The following FOLH1 variants were observed in gnomAD, a reference collection of about 807,000 sequenced individuals.
FOLH1 encodes the protein glutamate carboxypeptidase 2.
A neutral mutation model predicts 93.9 loss-of-function variants in FOLH1; 54 were observed. The ratio of observed to expected loss-of-function variants is 0.57; its 90% CI spans 0.46 to 0.72. The LOEUF (loss-of-function observed/expected upper bound fraction) is 0.72, where lower values mean the gene tolerates loss of function less well. Among genes scored for constraint, FOLH1 ranks in the 30% least tolerant of loss-of-function variants. The pLI is 0.00. For synonymous variants in FOLH1, 249 were observed against 303.6 expected, an observed-to-expected ratio of 0.82 and a Z score of 1.87; for missense variants, 571 against 892.5, an observed-to-expected ratio of 0.64 and a Z score of 4.59.
rs149444698 is a variant in FOLH1, at chr11:49,188,512, C to CAAA, written c.514-1746_514-1744dup. Among the ~76,000 whole-genome samples, 411 of 130,864 alleles carry CAAA rather than the reference C, an allele frequency of 3.1e-3. 12 individuals carry two copies. Among genetic ancestry groups the CAAA allele is most frequent in the Middle Eastern group, 4.0e-3 (1 of 248 alleles). The allele number at this position is 130,864 out of a possible 152,430, so 85.9% of individuals were successfully genotyped here. A position where few individuals can be genotyped will look rare whatever the true frequency, so the allele number is the denominator to read the frequency against. ...CGGGCGACAGAGTAAGACTTGGTCT[C>CAAA]AAAAAAAAAAAAAAAAGATAGATTA... On this transcript the variant is annotated intron_variant, in intron 4 of 18. Coordinates refer to ENST00000256999, the MANE Select transcript of FOLH1 (RefSeq NM_004476.3).
chr11:49,164,912 T>A (rs1858178559), intron 12 of FOLH1, 140 bp from the exon 13 acceptor site: 2 of 690,250 alleles, frequency 2.9e-6, no homozygotes, highest in East Asian at 2.9e-5. Flanking sequence ...GCTTCCCAAC[T>A]AACTCTGTAA....
At position 49,151,676 on chromosome 11, in the gene FOLH1, A is replaced by G. The variant is rs563372151; in HGVS notation, c.1970+2170T>C. Among the ~76,000 whole-genome samples the G allele has an allele frequency of 9.8e-5, 15 of 152,332 alleles. No homozygotes were observed. The East Asian group carries it at 2.9e-3, about 29-fold the overall frequency. The stretch of plus-strand genomic sequence containing the variant: ...ATAGGGAACAGAGTGTATCTTTACT[A>G]TCACTTACAGAAAATAAAACAAATA... On this transcript the variant is annotated intron_variant, in intron 17 of 18. Transcript: ENST00000256999.
chr11:49,181,719 C>G (rs1170205160), intron 7 of FOLH1, among the ~76,000 whole-genome samples: 9 of 152,076 alleles, frequency 5.9e-5, no homozygotes, highest in Non-Finnish European at 4.4e-5. Context: ...AATGCATAGT[C>G]TATGGTGCTA....
chr11:49,186,513 G>T (rs945927575), intron 5 of FOLH1, 131 bp downstream of exon 5: 7 of 1,072,148 alleles, frequency 6.5e-6, no homozygotes, highest in African/African-American at 1.6e-5. Context: ...CTCTCTGTAA[G>T]GTGGGCATGT....
chr11:49,203,185 G>C (rs1450161507), intron 2 of FOLH1, among the ~76,000 whole-genome samples: 2 of 152,152 alleles, frequency 1.3e-5, no homozygotes, highest in Admixed American at 6.5e-5. Flanking sequence ...AAAATTCTGA[G>C]ACCAAAAGTC....
intron 9 of FOLH1, among the ~76,000 whole-genome samples, chr11:49,174,161 TCAA>T (rs1397611745): frequency 6.6e-6 from 1 of 152,160 alleles, no homozygotes; most frequent in Non-Finnish European, 1.5e-5. Context: ...TCGGTATTAT[TCAA>T]CAGTAGCCAC....
intron 6 of FOLH1, among the ~76,000 whole-genome samples, chr11:49,184,792 A>G (rs1466306433): frequency 6.6e-6 from 1 of 152,256 alleles, no homozygotes; most frequent in African/African-American, 2.4e-5. Context: ...TAATGATCAC[A>G]GATTTTTGTA....
chr11:49,192,560 T>C (rs1222177365), intron 4 of FOLH1, among the ~76,000 whole-genome samples: 3 of 152,226 alleles, frequency 2.0e-5, no homozygotes, highest in Non-Finnish European at 2.9e-5. Context: ...AATCAATAAA[T>C]GTGCATTTGG....
At chr11:49,202,533 T>C (rs934513446) in intron 2 of FOLH1, among the ~76,000 whole-genome samples, 9 of 151,932 alleles carry the variant, frequency 5.9e-5, no homozygotes, top group Non-Finnish European at 1.3e-4. Flanking sequence ...CATGCCACCA[T>C]GCCCAGATAA....
rs1438414699 is a variant in FOLH1 at position 49,178,187 on chromosome 11, A to G, written c.921-2230T>C. ...CACACCTGGTCTAACCAGTTTGTCC[A>G]TGACTTATATAAATCAGACACTACC... On this transcript the variant is annotated intron_variant, in intron 7 of 18. Transcript: ENST00000256999. Among the ~76,000 whole-genome samples, 5 of 152,318 alleles carry G rather than the reference A, an allele frequency of 3.3e-5. No homozygotes were observed. In the East Asian group the frequency reaches 9.7e-4, roughly 29 times the overall value.
At chr11:49,159,305 T>G (rs1857379186) in intron 13 of FOLH1, among the ~76,000 whole-genome samples, 1 of 152,254 alleles carries the variant, frequency 6.6e-6, no homozygotes, top group Non-Finnish European at 1.5e-5. Context: ...GTTTGCTCCT[T>G]CAATACCTAG....
intron 17 of FOLH1, among the ~76,000 whole-genome samples, chr11:49,152,950 A>G (rs1856639182): frequency 6.6e-6 from 1 of 152,108 alleles, no homozygotes; most frequent in African/African-American, 2.4e-5. Context: ...AGTTCATATA[A>G]TATTATGGTT....
intron 3 of FOLH1, among the ~76,000 whole-genome samples, chr11:49,197,498 ATCTT>A (rs772866407): frequency 1.3e-5 from 2 of 152,198 alleles, no homozygotes; most frequent in African/African-American, 2.4e-5. Context: ...ATATAGTTAA[ATCTT>A]TATGGGATGT....
chr11:49,177,820 G>T (rs1860261449), intron 7 of FOLH1, among the ~76,000 whole-genome samples: 1 of 150,366 alleles, frequency 6.7e-6, no homozygotes, highest in Non-Finnish European at 1.5e-5. Flanking sequence ...AAAATGAGCC[G>T]GGCATGGTGG....
chr11:49,171,056 A>T, intron 11 of FOLH1, 139 bp downstream of exon 11: 2 of 965,840 alleles, frequency 2.1e-6, no homozygotes, highest in Non-Finnish European at 2.9e-6. Flanking sequence ...TTTGAACAAG[A>T]ATATGTTACT....
At chr11:49,160,320 C>T (rs1857546890) in intron 13 of FOLH1, among the ~76,000 whole-genome samples, 10 of 152,138 alleles carry the variant, frequency 6.6e-5, no homozygotes, top group Admixed American at 6.5e-4. Context: ...ATGTCTCCAA[C>T]ACCTTCAGTT....
intron 10 of FOLH1, among the ~76,000 whole-genome samples, chr11:49,172,277 CT>C (rs1404700605): frequency 3.3e-5 from 5 of 152,176 alleles, no homozygotes; most frequent in Non-Finnish European, 7.3e-5. Context: ...AAATTAAACA[CT>C]ACCTACTTCA....
intron 4 of FOLH1, among the ~76,000 whole-genome samples, chr11:49,188,667 C>A (rs374528379): frequency 2.0e-5 from 3 of 152,102 alleles, no homozygotes; most frequent in South Asian, 4.1e-4. Flanking sequence ...GACAGTGAAG[C>A]GTTATCTTAA....
rs1340343548 is a variant in FOLH1 at position 49,146,699 on chromosome 11, G to A, written c.*57C>T. On this transcript the variant is annotated 3_prime_UTR_variant, in exon 19 of 19. Transcript: ENST00000256999. ...TAAAATTTATCAATATACCCATTAC[G>A]ATTCTTTCTGAGTGACATACCACAC... 2.0e-5 allele frequency: 30 copies of A among 1,503,410 alleles called. No individual in the cohort carries two copies. Among genetic ancestry groups the A allele is most frequent in the Non-Finnish European group, 2.4e-5 (27 of 1,121,898 alleles). The allele number at this position is 1,503,410 out of a possible 1,614,324, so 93.1% of individuals were successfully genotyped here.
Sources: allele counts gnomAD v4.1 joint callset (sites outside exome capture counted in the v4.1 genomes callset), GRCh38; gene constraint gnomAD v4.1.1; transcripts MANE v1.5; gene names NCBI Gene and HGNC (gene_info 2026-07-23, HGNC 2026-07-21).